LRRC4C: variants seen among roughly 807,000 people sequenced by gnomAD.
LRRC4C encodes leucine rich repeat containing 4C.
In LRRC4C, 5 loss-of-function variants were observed where a neutral mutation model predicts 33.6. The observed-to-expected ratio is 0.15, with a 90% CI of 0.08 to 0.31. LRRC4C has a LOEUF of 0.31. Among genes scored for constraint, LRRC4C ranks in the 10% least tolerant of loss-of-function variants. The pLI is 1.00. For missense variants in LRRC4C, 560 were observed against 796.7 expected (o/e 0.70, Z 3.58); for synonymous variants, 329 against 302.0 (o/e 1.09, Z -0.93).
At chr11:40,832,612 A>G (rs1952468584) in intron 2 of LRRC4C, among the ~76,000 whole-genome samples, 1 of 152,126 alleles carries the variant, frequency 6.6e-6, no homozygotes, top group African/African-American at 2.4e-5. Flanking sequence ...GCAAGCAAAT[A>G]AAAGCCGCGG....
intron 3 of LRRC4C, among the ~76,000 whole-genome samples, chr11:40,477,096 G>A (rs534231996): frequency 5.3e-5 from 8 of 152,258 alleles, no homozygotes; most frequent in Middle Eastern, 3.4e-3. Flanking sequence ...TTCTGCTCAC[G>A]TATTATTTTC....
intron 1 of LRRC4C, among the ~76,000 whole-genome samples, chr11:41,245,430 T>C (rs538709844): frequency 1.3e-5 from 2 of 152,176 alleles, no homozygotes; most frequent in Non-Finnish European, 2.9e-5. Flanking sequence ...GGCCAAGGCA[T>C]GGCAGGCAGC....
intron 2 of LRRC4C, among the ~76,000 whole-genome samples, chr11:40,771,205 T>A (rs1328166620): frequency 2.6e-5 from 4 of 152,136 alleles, no homozygotes; most frequent in African/African-American, 4.8e-5. Context: ...CAAACCTCAA[T>A]CCTTGTCTTC....
At chr11:41,239,490 T>C (rs1171309651) in intron 1 of LRRC4C, among the ~76,000 whole-genome samples, 1 of 152,136 alleles carries the variant, frequency 6.6e-6, no homozygotes, top group African/African-American at 2.4e-5. Flanking sequence ...GTTGCTATGC[T>C]TTCAACTCAG....
intron 3 of LRRC4C, among the ~76,000 whole-genome samples, chr11:40,345,367 T>C (rs1947077567): frequency 6.6e-6 from 1 of 151,994 alleles, no homozygotes; most frequent in Non-Finnish European, 1.5e-5. Flanking sequence ...ACCAATAGAA[T>C]GGAATAGAAA....
chr11:41,396,582 G>A (rs1405353631), intron 1 of LRRC4C, among the ~76,000 whole-genome samples: 1 of 151,944 alleles, frequency 6.6e-6, no homozygotes, highest in Non-Finnish European at 1.5e-5. Context: ...TGTAGTGAAT[G>A]CTCAACTTTA....
At chr11:40,813,656 G>T (rs1338517246) in intron 2 of LRRC4C, among the ~76,000 whole-genome samples, 1 of 151,960 alleles carries the variant, frequency 6.6e-6, no homozygotes, top group Non-Finnish European at 1.5e-5. Flanking sequence ...ATTAACTTAA[G>T]AGTCCACAGT....
At chr11:40,972,967 A>G (rs1285181896) in intron 1 of LRRC4C, among the ~76,000 whole-genome samples, 1 of 152,046 alleles carries the variant, frequency 6.6e-6, no homozygotes, top group East Asian at 1.9e-4. Context: ...GTTTAACACC[A>G]TCCCCCTTGG....
At chr11:40,939,049 A>G (rs1958029033) in intron 1 of LRRC4C, among the ~76,000 whole-genome samples, 1 of 152,184 alleles carries the variant, frequency 6.6e-6, no homozygotes, top group African/African-American at 2.4e-5. Context: ...ATGGAAAAAA[A>G]GGAAATTCTA....
intron 5 of LRRC4C, among the ~76,000 whole-genome samples, chr11:40,189,870 A>G (rs1047749644): frequency 6.6e-6 from 1 of 152,230 alleles, no homozygotes; most frequent in African/African-American, 2.4e-5. Context: ...CATACATGCT[A>G]TCTAAAATGC....
intron 1 of LRRC4C, among the ~76,000 whole-genome samples, chr11:41,446,202 G>A (rs994206422): frequency 1.3e-5 from 2 of 152,180 alleles, no homozygotes; most frequent in Admixed American, 6.5e-5. Flanking sequence ...ACAACAACTT[G>A]AAACTCACAG....
At chr11:41,210,531 G>T (rs528786203) in intron 1 of LRRC4C, among the ~76,000 whole-genome samples, 1 of 152,166 alleles carries the variant, frequency 6.6e-6, no homozygotes, top group East Asian at 1.9e-4. Context: ...ACCCAGTCTT[G>T]GGTATGTCTT....
At chr11:40,221,932 G>A (rs149505435) in intron 5 of LRRC4C, among the ~76,000 whole-genome samples, 40 of 152,232 alleles carry the variant, frequency 2.6e-4, no homozygotes, top group African/African-American at 8.7e-4. Flanking sequence ...CAGGAGTCTC[G>A]TCGATGCCCT....
chr11:40,713,088 T>G (rs1564966405), intron 2 of LRRC4C, among the ~76,000 whole-genome samples: 1 of 151,504 alleles, frequency 6.6e-6, no homozygotes, highest in African/African-American at 2.4e-5. Context: ...GAGATTAGAT[T>G]TCGGCATGTT....
At chr11:40,961,445 A>ATTATCCATCCATTCATTTTAAAAAAACCT (rs1850972132) in intron 1 of LRRC4C, among the ~76,000 whole-genome samples, 1 of 151,710 alleles carries the variant, frequency 6.6e-6, no homozygotes, top group African/African-American at 2.4e-5. Flanking sequence ...AAATAAAAGT[A>ATTATCCATCCATTCATTTTAAAAAAACCT]TTGCAAACTT....
chr11:40,927,257 T>A (rs1221346799), intron 2 of LRRC4C, among the ~76,000 whole-genome samples: 1 of 151,574 alleles, frequency 6.6e-6, no homozygotes, highest in African/African-American at 2.4e-5. Flanking sequence ...ACCTACAATC[T>A]CAGCTACTCA....
intron 1 of LRRC4C, among the ~76,000 whole-genome samples, chr11:40,977,081 C>A (rs986133579): frequency 6.6e-6 from 1 of 152,060 alleles, no homozygotes; most frequent in African/African-American, 2.4e-5. Context: ...ATAAGGAGCA[C>A]AAAACCTAGA....
chr11:40,328,221 A>G (rs1483257835), intron 3 of LRRC4C, among the ~76,000 whole-genome samples: 1 of 152,152 alleles, frequency 6.6e-6, no homozygotes, highest in African/African-American at 2.4e-5. Context: ...TTTTATCTAA[A>G]GTGGAGTTAA....
chr11:41,379,226 A>G (rs1193303564), intron 1 of LRRC4C, among the ~76,000 whole-genome samples: 3 of 152,116 alleles, frequency 2.0e-5, no homozygotes, highest in Non-Finnish European at 2.9e-5. Context: ...TATAGCCTGC[A>G]TATGGTTCAA....
Sources: allele counts gnomAD v4.1 joint callset (sites outside exome capture counted in the v4.1 genomes callset), GRCh38; gene constraint gnomAD v4.1.1; transcripts MANE v1.5; gene names NCBI Gene and HGNC (gene_info 2026-07-23, HGNC 2026-07-21).